The following TSC22D1 variants were observed in gnomAD, a reference collection of about 807,000 sequenced individuals.
TSC22D1 encodes TSC22 domain family protein 1.
A neutral mutation model predicts 74.2 loss-of-function variants in TSC22D1; 9 were observed. The observed-to-expected ratio is 0.12, with a 90% CI of 0.07 to 0.21. The LOEUF (loss-of-function observed/expected upper bound fraction) is 0.21. Ranked by LOEUF, TSC22D1 falls within the 10% of genes least tolerant of loss-of-function variation. The pLI is 1.00. For missense variants in TSC22D1, 1,427 were observed against 1,304.7 expected (o/e 1.09, Z -1.44); for synonymous variants, 586 against 492.5 (o/e 1.19, Z -2.51).
rs759893376 is a variant in TSC22D1, at chr13:44,436,101, AAAGAG to A, written c.2913-11_2913-7del. 1.6e-5 allele frequency: 26 copies of A among 1,611,760 alleles called. No individual in the cohort carries two copies. Among genetic ancestry groups the A allele is most frequent in the African/African-American group, 2.7e-5 (2 of 74,878 alleles). Reference sequence around the variant, plus strand: ...CCACACTTGCACCAGAGGAGCTGAAAAAGAGGAGGGAAAAAGGTCATCGATAAATG... The same window carrying A: ...CCACACTTGCACCAGAGGAGCTGAAAGAGGGAAAAAGGTCATCGATAAATG... On this transcript the variant is annotated splice_region_variant and splice_polypyrimidine_tract_variant and intron_variant, in intron 1 of 2. Transcript: ENST00000458659.
chr13:44,545,469 A>G (rs1033678551), intron 1 of TSC22D1, among the ~76,000 whole-genome samples: 2 of 151,934 alleles, frequency 1.3e-5, no homozygotes, highest in African/African-American at 2.4e-5. Flanking sequence ...TTTTTTCATA[A>G]TTAACCTATC....
rs567563670 is a variant in TSC22D1 at position 44,553,013 on chromosome 13, C to T, written c.2912+20150G>A. ...AAAACAAACAAACAAACAAACAAAA[C>T]GAAAATAAGGTGGTAAACAGAAAGG... On this transcript the variant is annotated intron_variant, in intron 1 of 2. Transcript: ENST00000458659. Among the ~76,000 whole-genome samples, 30 of 151,240 alleles carry T rather than the reference C, an allele frequency of 2.0e-4. 1 individual carries two copies. In the East Asian group the frequency reaches 4.1e-3, roughly 21 times the overall value.
In TSC22D1 at chr13:44,434,230, G is replaced by A. The variant is rs1874319718; in HGVS notation, c.*396C>T. The A allele has an allele frequency of 7.0e-7, 1 of 1,421,298 alleles. No individual in the cohort carries two copies. Among genetic ancestry groups the A allele is most frequent in the South Asian group, 1.6e-5 (1 of 62,008 alleles). The allele number at this position is 1,421,298 out of a possible 1,614,324, so 88.0% of individuals were successfully genotyped here. The stretch of plus-strand genomic sequence containing the variant: ...AGAGGAGAGAGGCGAGTCCAGTGAG[G>A]AGCTCCATCGCTTCACAACCCCATG... On this transcript the variant is annotated 3_prime_UTR_variant, in exon 3 of 3. Transcript: ENST00000458659.
At chr13:44,459,370 T>C (rs7996107) in intron 1 of TSC22D1, among the ~76,000 whole-genome samples, 15,075 of 152,132 alleles carry the variant, frequency 0.099, 782 homozygotes, top group Non-Finnish European at 0.11. Context: ...GGATATCCTC[T>C]CTGCTGACAC....
At position 44,573,421 on chromosome 13, in the gene TSC22D1, G is replaced by C. The variant is rs1390019228; in HGVS notation, c.2654C>G (p.Pro885Arg). 1.2e-6 allele frequency: 2 copies of C among 1,614,242 alleles called. No homozygotes were observed. The highest frequency in any genetic ancestry group is 1.6e-4 in the Middle Eastern group (1 of 6,062). ...PPLIATNTNL[P>R]LAQQIPLSST... Reference sequence around the variant, plus strand: ...ACTTAGTGGTATCTGTTGTGCCAAAGGCAAATTTGTATTAGTTGCTATCAA... The same window carrying C: ...ACTTAGTGGTATCTGTTGTGCCAAACGCAAATTTGTATTAGTTGCTATCAA... Residue 885 changes from proline (P) to arginine (R), a missense_variant, in exon 1 of 3, where the codon CCT (proline) becomes CGT (arginine). By Grantham distance (103) the Pro-to-Arg change is moderately radical. Transcript: ENST00000458659.
intron 1 of TSC22D1, among the ~76,000 whole-genome samples, chr13:44,491,516 T>C (rs1878719829): frequency 6.9e-6 from 1 of 144,336 alleles, no homozygotes; most frequent in Non-Finnish European, 1.5e-5. Flanking sequence ...ATCGCGCCAC[T>C]GCACTCCAGC....
chr13:44,573,254 C>T lies in TSC22D1; in HGVS notation c.2821G>A (p.Gly941Arg), dbSNP rs1295268132. Residue 941 changes from glycine to arginine, a missense_variant, in exon 1 of 3, where the codon GGG becomes AGG. Physicochemically the swap from Gly to Arg is moderately radical, Grantham distance 125 (BLOSUM62 -2). This residue lies in a region of TSC22D1 where 1,343 missense variants were observed against 1,191.5 expected (regional missense o/e 1.13). Coordinates refer to ENST00000458659, the MANE Select transcript of TSC22D1 (RefSeq NM_183422.4). ...GAGGCTGCTAGGCTGCTGCTACTCC[C>T]ATCTGAAACTGCTGACATTCCCCCA... ...DSGGMSAVSDGSSSSLAASAS... is the reference protein window; with the variant it reads ...DSGGMSAVSDRSSSSLAASAS... 6.2e-7 allele frequency: 1 copy of T among 1,614,128 alleles called. No individual in the cohort carries two copies. The highest frequency in any genetic ancestry group is 1.3e-5 in the African/African-American group (1 of 74,950).
chr13:44,484,442 T>C (rs1156237447), intron 1 of TSC22D1, among the ~76,000 whole-genome samples: 1 of 152,214 alleles, frequency 6.6e-6, no homozygotes, highest in African/African-American at 2.4e-5. Context: ...ATAATAGTGC[T>C]TCTCAATTCA....
At chr13:44,456,036 ATC>A (rs1187954353) in intron 1 of TSC22D1, among the ~76,000 whole-genome samples, 3 of 152,202 alleles carry the variant, frequency 2.0e-5, no homozygotes, top group African/African-American at 7.2e-5. Flanking sequence ...GACAGACCCA[ATC>A]TTACTCAACT....
intron 1 of TSC22D1, among the ~76,000 whole-genome samples, chr13:44,511,615 GAA>G (rs1447045049): frequency 9.2e-6 from 1 of 108,790 alleles, no homozygotes; most frequent in East Asian, 3.0e-4. Flanking sequence ...TGAATAAAAA[GAA>G]ATACACACAC....
chr13:44,474,118 G>T (rs867401462), intron 1 of TSC22D1: 1 of 454,790 alleles, frequency 2.2e-6, no homozygotes, highest in Non-Finnish European at 2.9e-6. Context: ...TCCAAGCTGA[G>T]TATTTAGAAA....
At chr13:44,533,314 T>C (rs574850977) in intron 1 of TSC22D1, among the ~76,000 whole-genome samples, 1 of 148,784 alleles carries the variant, frequency 6.7e-6, no homozygotes, top group African/African-American at 2.5e-5. Context: ...TACAAAAAAT[T>C]AGCTGGGCAT....
chr13:44,576,043 G>A lies in TSC22D1; in HGVS notation c.32C>T (p.Ala11Val), dbSNP rs2138275423. Residue 11 changes from alanine (A) to valine (V), a missense_variant, in exon 1 of 3, where the codon GCC becomes GTC. Ala to Val is a moderately conservative substitution (Grantham distance 64). Transcript: ENST00000458659. ...AGCGCTAATGTCTGCAGCGGCGGCG[G>A]CCGCGGCGGTGGACTCAGGCGGCTG... Reference protein sequence around the residue: MHQPPESTAAAAAAADISARK... With the variant: MHQPPESTAAVAAAADISARK... The A allele has an allele frequency of 2.5e-6, 4 of 1,572,536 alleles. No homozygotes were observed. Among genetic ancestry groups the A allele is most frequent in the South Asian group, 1.1e-5 (1 of 87,066 alleles).
chr13:44,560,198 G>A (rs1156870432), intron 1 of TSC22D1, among the ~76,000 whole-genome samples: 2 of 152,150 alleles, frequency 1.3e-5, no homozygotes, highest in South Asian at 2.1e-4. Flanking sequence ...GAGAGGCTGA[G>A]GTGGGAAGAT....
intron 1 of TSC22D1, among the ~76,000 whole-genome samples, chr13:44,443,569 C>T (rs1875378521): frequency 6.6e-6 from 1 of 152,170 alleles, no homozygotes; most frequent in African/African-American, 2.4e-5. Context: ...CTGACTGTTG[C>T]CAGGTGCAGT....
At chr13:44,555,648 C>CAA (rs1326934630) in intron 1 of TSC22D1, among the ~76,000 whole-genome samples, 3 of 151,604 alleles carry the variant, frequency 2.0e-5, no homozygotes, top group Admixed American at 2.0e-4. Context: ...TATGTACAGC[C>CAA]ATCCTTGTCT....
intron 1 of TSC22D1, among the ~76,000 whole-genome samples, chr13:44,511,646 AC>A (rs1879723018): frequency 6.6e-6 from 1 of 151,896 alleles, no homozygotes; most frequent in Non-Finnish European, 1.5e-5. Flanking sequence ...ACACACACAC[AC>A]ACACTTTTTT....
rs1165962072 is a variant in TSC22D1, at chr13:44,575,301, T to C, written c.774A>G (p.Val258=). The change falls in exon 1 of 3, where the codon GTA becomes GTG. Residue 258 remains valine (V), a synonymous_variant. Coordinates refer to ENST00000458659, the MANE Select transcript of TSC22D1 (RefSeq NM_183422.4). ...SITGGPPSSP[V]SRKLSTTGSS... is the part of the protein sequence containing the mutation. ...TTCCAGTTGTAGAGAGTTTTCTAGA[T>C]ACTGGGCTTGAGGGTGGCCCACCAG... is the stretch of plus-strand genomic sequence containing the variant. The C allele has an allele frequency of 6.2e-7, 1 of 1,614,034 alleles. No individual in the cohort carries two copies. The highest frequency in any genetic ancestry group is 8.5e-7 in the Non-Finnish European group (1 of 1,180,036).
Position 44,574,860 on chromosome 13 carries a change from C to T in TSC22D1, c.1215G>A (p.Ser405=), listed in dbSNP as rs144137835. The change falls in exon 1 of 3, where the codon TCG becomes TCA. Residue 405 remains serine, a synonymous_variant. Coordinates refer to ENST00000458659, the MANE Select transcript of TSC22D1 (RefSeq NM_183422.4). The stretch of plus-strand genomic sequence containing the variant: ...AATCTAACTTCACAACTCTGAACCT[C>T]GAAGTGTTAACTGTTGGTTGTTGCT... ...SQQQQPTVNT[S]RFRVVKLDSS... is the part of the protein sequence containing the mutation. 5.0e-6 allele frequency: 8 copies of T among 1,614,024 alleles called. No homozygotes were observed. The highest frequency in any genetic ancestry group is 1.6e-4 in the Middle Eastern group (1 of 6,080).
Sources: gnomAD v4.1 joint callset for allele counts (sites outside exome capture counted in the v4.1 genomes callset) on GRCh38, gnomAD v4.1.1 for gene constraint, gnomAD v4.1.1 regional missense constraint, MANE v1.5 for transcripts, NCBI Gene and HGNC (gene_info 2026-07-23, HGNC 2026-07-21) for gene names.